Variants in AKAP9 observed in about 807,000 individuals in gnomAD.
The protein encoded by AKAP9 is A-kinase anchoring protein 9.
A neutral mutation model predicts 488.5 loss-of-function variants in AKAP9; 311 were observed. The observed-to-expected ratio is 0.64, with a 90% CI of 0.58 to 0.70. The LOEUF is 0.70. AKAP9 is among the 30% of genes least tolerant of loss of function. The pLI is 0.00. For missense variants in AKAP9, 4,215 were observed against 4,374.5 expected (o/e 0.96, Z 1.03); for synonymous variants, 1,462 against 1,483.5 (o/e 0.99, Z 0.33).
intron 38 of AKAP9, among the ~76,000 whole-genome samples, chr7:92,091,034 TC>T (rs1815466642): frequency 6.6e-6 from 1 of 152,246 alleles, no homozygotes; most frequent in Non-Finnish European, 1.5e-5. Context: ...AAGGGTTTAG[TC>T]CTTTTTCATA....
intron 13 of AKAP9, 115 bp downstream of exon 13, chr7:92,022,467 T>A (rs536101129): frequency 2.7e-6 from 2 of 731,068 alleles, no homozygotes; most frequent in East Asian, 5.3e-5. Context: ...CACTGTAGCC[T>A]CTCTGATCTC....
chr7:92,068,560 C>A (rs530950369), intron 26 of AKAP9, among the ~76,000 whole-genome samples: 1 of 151,892 alleles, frequency 6.6e-6, no homozygotes, highest in South Asian at 2.1e-4. Flanking sequence ...CTGCTTTGCT[C>A]ATGAAACTTT....
At chr7:92,096,639 G>A (rs753564911) in intron 40 of AKAP9, 50 bp from the exon 41 acceptor site, 4 of 1,608,224 alleles carry the variant, frequency 2.5e-6, no homozygotes, top group Non-Finnish European at 3.4e-6. Flanking sequence ...GCCCGGCCAA[G>A]TATTTTTAAT....
intron 8 of AKAP9, among the ~76,000 whole-genome samples, chr7:92,011,781 A>G (rs1584104741): frequency 6.6e-6 from 1 of 152,204 alleles, no homozygotes; most frequent in Non-Finnish European, 1.5e-5. Context: ...ACTGCATTCT[A>G]TGCACTGTTT....
chr7:92,057,051 G>A (rs1312520318), intron 22 of AKAP9, among the ~76,000 whole-genome samples: 1 of 151,802 alleles, frequency 6.6e-6, no homozygotes, highest in Non-Finnish European at 1.5e-5. Context: ...ATATAACTTG[G>A]GCTTTTAAAG....
chr7:92,016,963 A>T, intron 11 of AKAP9, 54 bp from the exon 12 acceptor site: 1 of 1,293,214 alleles, frequency 7.7e-7, no homozygotes, highest in Non-Finnish European at 1.1e-6. Flanking sequence ...TTATTGAAAG[A>T]TGCAGACTTT....
chr7:92,096,994 GA>G lies in AKAP9; in HGVS notation c.10038del (p.Glu3347SerfsTer6), dbSNP rs766853865. On this transcript the variant is annotated frameshift_variant, in exon 41 of 50. Transcript: ENST00000356239. LOFTEE classifies it high-confidence loss of function. ...RPPLPSEDLL[K>X]ELQKQLEEKH... ...CACCCTTGCCCTCAGAGGACCTACT[GA>G]AAGAGCTGCAGAAACAGCTAGAGGA... 6.2e-7 allele frequency: 1 copy of G among 1,614,192 alleles called. No homozygotes were observed. The highest frequency in any genetic ancestry group is 8.5e-7 in the Non-Finnish European group (1 of 1,180,006).
At chr7:91,963,668 C>T (rs1275452150) in intron 1 of AKAP9, among the ~76,000 whole-genome samples, 2 of 152,094 alleles carry the variant, frequency 1.3e-5, no homozygotes, top group African/African-American at 4.8e-5. Flanking sequence ...CAGGCACCCG[C>T]CACCATGCCC....
At chr7:92,088,680 C>T (rs954008445) in intron 37 of AKAP9, among the ~76,000 whole-genome samples, 1 of 152,066 alleles carries the variant, frequency 6.6e-6, no homozygotes, top group Non-Finnish European at 1.5e-5. Flanking sequence ...AGTTGGTACT[C>T]TGATGGTAGT....
intron 1 of AKAP9, among the ~76,000 whole-genome samples, chr7:91,966,387 T>C (rs756631127): frequency 2.6e-5 from 4 of 152,238 alleles, no homozygotes; most frequent in Non-Finnish European, 4.4e-5. Context: ...GAGATACTTA[T>C]GTAGTTTCAT....
At chr7:92,034,496 A>ATTTT (rs1364779899) in intron 16 of AKAP9, among the ~76,000 whole-genome samples, 36 of 104,262 alleles carry the variant, frequency 3.5e-4, no homozygotes, top group Non-Finnish European at 4.1e-4. Flanking sequence ...ATATATATAT[A>ATTTT]TATTTTTTTT....
intron 16 of AKAP9, among the ~76,000 whole-genome samples, chr7:92,032,546 G>A (rs1804446337): frequency 6.6e-6 from 1 of 151,490 alleles, no homozygotes. Context: ...TGAATTATGA[G>A]TTTGCTTTTT....
chr7:92,070,825 A>AAAT, intron 27 of AKAP9, 80 bp from the exon 28 acceptor site: 1 of 898,498 alleles, frequency 1.1e-6, no homozygotes, highest in Non-Finnish European at 1.7e-6. Flanking sequence ...AAAAAAAAAA[A>AAAT]GCAGACCAAA....
At position 92,109,055 on chromosome 7, in the gene AKAP9, A is replaced by G. The variant is rs1196464823; in HGVS notation, c.11686+422A>G. ...AGCGAGACCCTGTCTCAAAGAAAAA[A>G]AAAAAAAAAAGAAAGTGGTAAGGCA... On this transcript the variant is annotated intron_variant, in intron 49 of 49. Transcript: ENST00000356239. 1.1e-5 allele frequency: 3 copies of G among 276,740 alleles called. No homozygotes were observed. The East Asian group carries it at 1.7e-4, about 16-fold the overall frequency. 17.1% of individuals were successfully genotyped at this position (276,740 alleles called of 1,614,324 possible). A position where few individuals can be genotyped will look rare whatever the true frequency, so the allele number is the denominator to read the frequency against.
intron 1 of AKAP9, among the ~76,000 whole-genome samples, chr7:91,946,448 G>A (rs1477652252): frequency 1.3e-5 from 2 of 150,454 alleles, no homozygotes; most frequent in Non-Finnish European, 2.9e-5. Context: ...TGGAGTGGCA[G>A]CCTGCCTTGA....
chr7:91,979,101 T>C (rs1157612425), intron 2 of AKAP9, among the ~76,000 whole-genome samples: 1 of 152,100 alleles, frequency 6.6e-6, no homozygotes, highest in Non-Finnish European at 1.5e-5. Context: ...AGTAGCATTT[T>C]AGGACTTTGT....
chr7:91,941,164 C>G lies in AKAP9; in HGVS notation c.48+17C>G. The G allele has an allele frequency of 6.2e-7, 1 of 1,612,450 alleles. No individual in the cohort carries two copies. Among genetic ancestry groups the G allele is most frequent in the South Asian group, 1.1e-5 (1 of 91,050 alleles). On this transcript the variant is annotated intron_variant, in intron 1 of 49. Transcript: ENST00000356239. ...AAAGCCAAGGTAGGAGAGCCCGAGG[C>G]AACCGGGCCTGCGGTGGGAGGCGGT...
Position 91,973,941 on chromosome 7 carries a change from C to G in AKAP9, c.279C>G (p.Thr93=). 4 of 1,613,796 alleles carry G rather than the reference C, an allele frequency of 2.5e-6. No homozygotes were observed. Among genetic ancestry groups the G allele is most frequent in the Non-Finnish European group, 3.4e-6 (4 of 1,179,940 alleles). The change falls in exon 2 of 50, where the codon ACC becomes ACG. Residue 93 remains threonine (T), a synonymous_variant. Transcript: ENST00000356239. The stretch of plus-strand genomic sequence containing the variant: ...GAACTCTACATAGTGGAGAAATAAC[C>G]AGTCATGAGCAGGGCTTCTCTGTGG... ...IMRTLHSGEI[T]SHEQGFSVEL... is the part of the protein sequence containing the mutation.
rs539009985 is a variant in AKAP9, at chr7:91,941,241, A to G, written c.48+94A>G. 3.0e-5 allele frequency: 38 copies of G among 1,254,738 alleles called. 1 individual carries two copies. In the South Asian group the frequency reaches 4.3e-4, roughly 14 times the overall value. The allele number at this position is 1,254,738 out of a possible 1,614,324, so 77.7% of individuals were successfully genotyped here. ...GGGAAGCGGAGTTCGCCGCAGCCCC[A>G]GTGCACTGCCCGAGAGGGAGGTGCT... On this transcript the variant is annotated intron_variant, in intron 1 of 49. Coordinates refer to ENST00000356239, the MANE Select transcript of AKAP9 (RefSeq NM_005751.5).
Sources: gnomAD v4.1 joint callset for allele counts (sites outside exome capture counted in the v4.1 genomes callset) on GRCh38, gnomAD v4.1.1 for gene constraint, MANE v1.5 for transcripts, NCBI Gene and HGNC (gene_info 2026-07-23, HGNC 2026-07-21) for gene names.